RFWD3: variants seen among roughly 807,000 people sequenced by gnomAD.
The protein encoded by RFWD3 is E3 ubiquitin-protein ligase RFWD3.
A neutral mutation model predicts 87.7 loss-of-function variants in RFWD3; 65 were observed. The observed-to-expected ratio is 0.74, with a 90% CI of 0.61 to 0.91. The LOEUF is 0.91. Ranked by LOEUF, RFWD3 falls within the 40% of genes least tolerant of loss-of-function variation. The probability of loss-of-function intolerance (pLI) is 0.00; values close to 1 mark genes in which losing one functional copy is unlikely to be tolerated. For synonymous variants in RFWD3, 433 were observed against 352.8 expected (o/e 1.23, Z -2.55); for missense variants, 1,078 against 938.5 (o/e 1.15, Z -1.94).
intron 1 of RFWD3, 109 bp from the exon 2 acceptor site, chr16:74,661,560 G>A: frequency 9.7e-7 from 1 of 1,030,136 alleles, no homozygotes; most frequent in Non-Finnish European, 1.4e-6. Flanking sequence ...ATCATTCTTA[G>A]CAAGACTGAG....
intron 4 of RFWD3, among the ~76,000 whole-genome samples, chr16:74,645,400 T>C (rs1320798456): frequency 6.6e-6 from 1 of 152,240 alleles, no homozygotes. Context: ...TTCTGAGAAA[T>C]GCGTCTTTAG....
At chr16:74,661,777 T>C (rs1961461288) in intron 1 of RFWD3, among the ~76,000 whole-genome samples, 1 of 152,216 alleles carries the variant, frequency 6.6e-6, no homozygotes, top group African/African-American at 2.4e-5. Context: ...TCAGACACTT[T>C]GCAGTTCTCT....
At chr16:74,665,080 A>C (rs1435935618) in intron 1 of RFWD3, among the ~76,000 whole-genome samples, 2 of 152,190 alleles carry the variant, frequency 1.3e-5, no homozygotes, top group Non-Finnish European at 2.9e-5. Context: ...TCAGGTTTCA[A>C]TCAATGGCCA....
chr16:74,641,154 C>A (rs916750035), intron 6 of RFWD3, among the ~76,000 whole-genome samples: 1 of 151,836 alleles, frequency 6.6e-6, no homozygotes, highest in Non-Finnish European at 1.5e-5. Flanking sequence ...ATGTAAAACA[C>A]AAACAGATAA....
At chr16:74,638,478 C>T (rs1344897548) in intron 6 of RFWD3, among the ~76,000 whole-genome samples, 1 of 152,080 alleles carries the variant, frequency 6.6e-6, no homozygotes, top group Non-Finnish European at 1.5e-5. Flanking sequence ...CATAAAAGGA[C>T]ACATTCACCA....
chr16:74,661,740 T>G (rs529142700), intron 1 of RFWD3, among the ~76,000 whole-genome samples: 31 of 152,318 alleles, frequency 2.0e-4, no homozygotes, highest in Admixed American at 4.6e-4. Flanking sequence ...CCAAGGAGAT[T>G]AAACTACTGG....
chr16:74,644,642 T>C lies in RFWD3; in HGVS notation c.886A>G (p.Asn296Asp). 6.2e-7 allele frequency: 1 copy of C among 1,614,150 alleles called. No homozygotes were observed. Among genetic ancestry groups the C allele is most frequent in the Non-Finnish European group, 8.5e-7 (1 of 1,180,044 alleles). Residue 296 changes from asparagine (N) to aspartate (D), a missense_variant, in exon 5 of 13, where the codon AAT (asparagine) becomes GAT (aspartate). Coordinates refer to ENST00000361070, the MANE Select transcript of RFWD3 (RefSeq NM_018124.4). ...TCTICLEQWT[N>D]AGDHRLSALR... ...GCTGAGAGCCGGTGGTCCCCAGCAT[T>C]GGTCCACTGTTCCAGACATATTGTA...
chr16:74,634,113 A>C (rs1233821599), intron 8 of RFWD3, among the ~76,000 whole-genome samples: 3 of 152,200 alleles, frequency 2.0e-5, no homozygotes, highest in Non-Finnish European at 4.4e-5. Context: ...ACTTCAATAA[A>C]GCTGTTGAGA....
intron 6 of RFWD3, among the ~76,000 whole-genome samples, chr16:74,642,421 G>A (rs1959740142): frequency 6.6e-6 from 1 of 151,990 alleles, no homozygotes. Flanking sequence ...ACTGTGCCTG[G>A]CCCTTCTACT....
chr16:74,629,933 G>C (rs753579357), intron 10 of RFWD3, among the ~76,000 whole-genome samples: 16 of 152,016 alleles, frequency 1.1e-4, no homozygotes, highest in Non-Finnish European at 1.3e-4. Context: ...CTCAGAACTT[G>C]GGCTCACTTT....
At chr16:74,631,750 C>T (rs762766299) in intron 9 of RFWD3, among the ~76,000 whole-genome samples, 14 of 151,994 alleles carry the variant, frequency 9.2e-5, no homozygotes, top group Admixed American at 1.3e-4. Flanking sequence ...CCTGGTATGG[C>T]GACTCTGATG....
Position 74,628,539 on chromosome 16 carries a change from G to T in RFWD3, c.1882C>A (p.Pro628Thr). The T allele has an allele frequency of 1.2e-6, 2 of 1,614,156 alleles. No individual in the cohort carries two copies. Among genetic ancestry groups the T allele is most frequent in the Non-Finnish European group, 1.7e-6 (2 of 1,180,036 alleles). The change falls in exon 11 of 13, where the codon CCT becomes ACT. Residue 628 changes from proline (P) to threonine (T), a missense_variant. Coordinates refer to ENST00000361070, the MANE Select transcript of RFWD3 (RefSeq NM_018124.4). ...CCTGGCTCCAAGGGCAGCACATGAG[G>T]CCAATGAGAAAAGTCCATTTTCTGT... ...WEQKMDFSHW[P>T]HVLPLEPGGC...
intron 8 of RFWD3, among the ~76,000 whole-genome samples, chr16:74,635,211 A>C (rs930724009): frequency 1.3e-5 from 2 of 152,076 alleles, no homozygotes; most frequent in Middle Eastern, 3.2e-3. Flanking sequence ...CGAGAGGTGG[A>C]GCTTGCAGTG....
At chr16:74,638,036 G>T in intron 6 of RFWD3, 66 bp from the exon 7 acceptor site, 1 of 1,020,056 alleles carries the variant, frequency 9.8e-7, no homozygotes, top group African/African-American at 1.6e-5. Context: ...CATCCAGGTG[G>T]CAGAGTTAAG....
chr16:74,624,183 A>G (rs1385455484), intron 12 of RFWD3, 112 bp from the exon 13 acceptor site: 2 of 1,288,240 alleles, frequency 1.6e-6, no homozygotes, highest in Non-Finnish European at 2.1e-6. Context: ...CTACCTGGAG[A>G]GCAAAGCAGG....
chr16:74,657,579 G>A (rs1407164887), intron 2 of RFWD3, among the ~76,000 whole-genome samples: 5 of 151,158 alleles, frequency 3.3e-5, no homozygotes, highest in African/African-American at 7.3e-5. Context: ...GGGTTCAAGC[G>A]ATTCTCCTGC....
intron 8 of RFWD3, 32 bp downstream of exon 8, chr16:74,636,314 G>T (rs1428601744): frequency 6.4e-7 from 1 of 1,573,736 alleles, no homozygotes; most frequent in Non-Finnish European, 8.7e-7. Flanking sequence ...GTCTAATAAA[G>T]AACATGAAAG....
intron 7 of RFWD3, 59 bp from the exon 8 acceptor site, chr16:74,636,636 AC>A (rs1361167488): frequency 1.6e-6 from 2 of 1,229,710 alleles, no homozygotes; most frequent in Non-Finnish European, 2.3e-6. Context: ...CCCCTCAAAT[AC>A]AATTCCTTGA....
chr16:74,625,411 A>G, intron 12 of RFWD3, among the ~76,000 whole-genome samples: 1 of 148,432 alleles, frequency 6.7e-6, no homozygotes, highest in African/African-American at 2.5e-5. Flanking sequence ...CTACTTGGGA[A>G]GCTGAGGCAC....
Sources: gnomAD v4.1 joint callset for allele counts (sites outside exome capture counted in the v4.1 genomes callset) on GRCh38, gnomAD v4.1.1 for gene constraint, MANE v1.5 for transcripts, NCBI Gene and HGNC (gene_info 2026-07-23, HGNC 2026-07-21) for gene names.